Variants in STK39 observed in about 807,000 individuals in gnomAD.
STK39 encodes the protein STE20/SPS1-related proline-alanine-rich protein kinase.
In STK39, 20 loss-of-function variants were observed where a neutral mutation model predicts 77.8. That is an observed-to-expected ratio of 0.26 (90% CI 0.18 to 0.37). The LOEUF is 0.37. Ranked by LOEUF, STK39 falls within the 10% of genes least tolerant of loss-of-function variation. The pLI, the probability that STK39 is intolerant of heterozygous loss-of-function variation, is 1.00. For missense variants in STK39, 479 were observed against 656.5 expected, an observed-to-expected ratio of 0.73 and a Z score of 2.95; for synonymous variants, 246 against 234.1, an observed-to-expected ratio of 1.05 and a Z score of -0.47.
chr2:168,076,943 G>T (rs910983712), intron 10 of STK39, among the ~76,000 whole-genome samples: 1 of 152,110 alleles, frequency 6.6e-6, no homozygotes, highest in African/African-American at 2.4e-5. Flanking sequence ...TTTAATGCTT[G>T]CAGAAATAGC....
chr2:168,210,350 C>T (rs543861906), intron 1 of STK39, among the ~76,000 whole-genome samples: 5 of 152,216 alleles, frequency 3.3e-5, no homozygotes, highest in African/African-American at 9.6e-5. Flanking sequence ...TTTTCCCACC[C>T]CTTCTTGAAA....
chr2:168,004,445 A>C (rs12995315), intron 16 of STK39, among the ~76,000 whole-genome samples: 1 of 152,146 alleles, frequency 6.6e-6, no homozygotes, highest in Non-Finnish European at 1.5e-5. Context: ...AAATAAAGTG[A>C]CTATGGGCTG....
chr2:167,975,457 C>T (rs1052410168), intron 16 of STK39, among the ~76,000 whole-genome samples: 6 of 152,054 alleles, frequency 3.9e-5, no homozygotes, highest in Non-Finnish European at 8.8e-5. Context: ...CTTACAATTT[C>T]CCCCCAGGAA....
At chr2:168,236,720 G>T (rs1183956155) in intron 1 of STK39, among the ~76,000 whole-genome samples, 3 of 152,144 alleles carry the variant, frequency 2.0e-5, no homozygotes, top group Non-Finnish European at 2.9e-5. Context: ...TTTCCCCATT[G>T]CTTGTTTTTG....
intron 14 of STK39, among the ~76,000 whole-genome samples, chr2:168,046,924 T>C (rs1685258570): frequency 6.6e-6 from 1 of 152,110 alleles, no homozygotes; most frequent in Admixed American, 6.5e-5. Context: ...GACAACTCTT[T>C]AAAGGCAGTA....
At chr2:168,235,432 A>C (rs2390669) in intron 1 of STK39, among the ~76,000 whole-genome samples, 20,858 of 144,606 alleles carry the variant, frequency 0.14, 1,564 homozygotes, top group East Asian at 0.33. Flanking sequence ...GGGCAGAATC[A>C]CGAGCCTGGG....
intron 10 of STK39, among the ~76,000 whole-genome samples, chr2:168,104,261 C>T (rs551734614): frequency 3.3e-5 from 5 of 152,156 alleles, no homozygotes; most frequent in African/African-American, 1.2e-4. Context: ...GATTTTTTCT[C>T]ATAATAAGTA....
At chr2:168,095,644 T>TTTA (rs58124011) in intron 10 of STK39, among the ~76,000 whole-genome samples, 1 of 148,114 alleles carries the variant, frequency 6.8e-6, no homozygotes, top group Non-Finnish European at 1.5e-5. Flanking sequence ...TTTTTTTTTT[T>TTTA]AAGACGGAGT....
At chr2:168,157,387 G>C (rs1248057793) in intron 5 of STK39, among the ~76,000 whole-genome samples, 1 of 152,152 alleles carries the variant, frequency 6.6e-6, no homozygotes, top group Non-Finnish European at 1.5e-5. Context: ...TGTAAAACCA[G>C]GGAAGGGAAA....
At chr2:167,961,794 A>T (rs1463754324) in intron 17 of STK39, among the ~76,000 whole-genome samples, 1 of 152,224 alleles carries the variant, frequency 6.6e-6, no homozygotes, top group Non-Finnish European at 1.5e-5. Context: ...TAACATTCCC[A>T]AAGCCCAGGC....
intron 10 of STK39, among the ~76,000 whole-genome samples, chr2:168,121,284 C>T (rs978711067): frequency 2.0e-5 from 3 of 152,202 alleles, no homozygotes; most frequent in Non-Finnish European, 2.9e-5. Flanking sequence ...GACAGTAACA[C>T]CTGCTCTACC....
intron 5 of STK39, among the ~76,000 whole-genome samples, chr2:168,147,782 C>T (rs1688179670): frequency 6.6e-6 from 1 of 152,190 alleles, no homozygotes; most frequent in South Asian, 2.1e-4. Context: ...CAGTATACTA[C>T]ACTCAGCACT....
intron 1 of STK39, among the ~76,000 whole-genome samples, chr2:168,223,335 C>A (rs1196423034): frequency 6.6e-6 from 1 of 151,878 alleles, no homozygotes; most frequent in African/African-American, 2.4e-5. Flanking sequence ...CATGGTGAAA[C>A]CCCGTCTTTA....
At chr2:168,187,842 C>A (rs186447625) in intron 1 of STK39, among the ~76,000 whole-genome samples, 1 of 151,976 alleles carries the variant, frequency 6.6e-6, no homozygotes, top group Non-Finnish European at 1.5e-5. Context: ...GTTAAGACGT[C>A]AATTGTCCAG....
At chr2:168,131,317 C>G (rs13393679) in intron 8 of STK39, among the ~76,000 whole-genome samples, 61,642 of 151,844 alleles carry the variant, frequency 0.41, 12,782 homozygotes, top group South Asian at 0.47. Context: ...AGGAGGGATG[C>G]ATTATTGAAT....
intron 10 of STK39, among the ~76,000 whole-genome samples, chr2:168,095,620 T>TC (rs1686642971): frequency 1.3e-5 from 1 of 74,366 alleles, no homozygotes; most frequent in Non-Finnish European, 2.6e-5. Flanking sequence ...CGTGTATCTC[T>TC]TTCTTTTTTT....
chr2:168,164,732 T>C (rs1688656617), intron 3 of STK39, among the ~76,000 whole-genome samples: 1 of 152,140 alleles, frequency 6.6e-6, no homozygotes, highest in African/African-American at 2.4e-5. Context: ...TTACCTGATA[T>C]ATTTGAGGCA....
chr2:168,143,606 C>T (rs1688052449), intron 5 of STK39, among the ~76,000 whole-genome samples: 1 of 152,104 alleles, frequency 6.6e-6, no homozygotes, highest in Non-Finnish European at 1.5e-5. Flanking sequence ...CCCAGCAACT[C>T]TGGAGGCTGA....
chr2:168,169,328 G>C (rs1177924430), intron 2 of STK39, among the ~76,000 whole-genome samples: 1 of 152,160 alleles, frequency 6.6e-6, no homozygotes, highest in Admixed American at 6.5e-5. Flanking sequence ...CACACTGAAG[G>C]TCTGTAGCAT....
Sources: allele counts gnomAD v4.1 joint callset (sites outside exome capture counted in the v4.1 genomes callset), GRCh38; gene constraint gnomAD v4.1.1; transcripts MANE v1.5; gene names NCBI Gene and HGNC (gene_info 2026-07-23, HGNC 2026-07-21).